F13A1: variants seen among roughly 807,000 people sequenced by gnomAD.
F13A1 encodes FSF, A subunit.
F13A1 carries 47 observed loss-of-function variants against 80.1 expected under a neutral mutation model. The ratio of observed to expected loss-of-function variants is 0.59; its 90% CI spans 0.46 to 0.75. The LOEUF (loss-of-function observed/expected upper bound fraction) is 0.75, where lower values mean the gene tolerates loss of function less well. Among genes scored for constraint, F13A1 ranks in the 30% least tolerant of loss-of-function variants. The pLI is 0.00. For missense variants in F13A1, 817 were observed against 930.4 expected, an observed-to-expected ratio of 0.88 and a Z score of 1.59; for synonymous variants, 349 against 344.9, an observed-to-expected ratio of 1.01 and a Z score of -0.13.
intron 2 of F13A1, among the ~76,000 whole-genome samples, chr6:6,315,421 G>A (rs527279327): frequency 2.9e-5 from 4 of 135,818 alleles, no homozygotes; most frequent in East Asian, 4.5e-4. Flanking sequence ...TGGGATTTCC[G>A]TGCCTACCTC....
chr6:6,320,432 T>C (rs1386350054), intron 1 of F13A1, among the ~76,000 whole-genome samples, 155 bp downstream of exon 1: 1 of 151,732 alleles, frequency 6.6e-6, no homozygotes, highest in African/African-American at 2.4e-5. Flanking sequence ...AGGTGCGGAG[T>C]TGGGGGCGGG....
intron 13 of F13A1, among the ~76,000 whole-genome samples, chr6:6,153,192 C>T (rs1291247783): frequency 4.6e-5 from 7 of 152,136 alleles, no homozygotes; most frequent in Admixed American, 4.6e-4. Context: ...GACAACACAG[C>T]CATTACTATT....
intron 6 of F13A1, among the ~76,000 whole-genome samples, chr6:6,238,912 T>C (rs1351060222): frequency 1.3e-5 from 2 of 152,158 alleles, no homozygotes; most frequent in Non-Finnish European, 2.9e-5. Context: ...CTGGCAGGAA[T>C]GTAAAACAGT....
chr6:6,248,735 A>G (rs1375254802), intron 5 of F13A1, among the ~76,000 whole-genome samples: 2 of 152,234 alleles, frequency 1.3e-5, no homozygotes, highest in Non-Finnish European at 2.9e-5. Flanking sequence ...GGTCTTTTCA[A>G]CATATTGGCT....
intron 11 of F13A1, among the ~76,000 whole-genome samples, chr6:6,177,113 G>A (rs1232475489): frequency 6.6e-6 from 1 of 152,142 alleles, no homozygotes; most frequent in East Asian, 1.9e-4. Flanking sequence ...AGGGCCACAG[G>A]CAACATTTTA....
In F13A1 at chr6:6,278,818, T is replaced by C. The variant is rs574306599; in HGVS notation, c.320-12009A>G. On this transcript the variant is annotated intron_variant, in intron 3 of 14. Coordinates refer to ENST00000264870, the MANE Select transcript of F13A1 (RefSeq NM_000129.4). ...GATCAAGCAGGGCTTTGTAGGACTT[T>C]GGATCTTATTCTGATTGAGAAAAGC... Among the ~76,000 whole-genome samples the C allele has an allele frequency of 9.8e-5, 15 of 152,338 alleles. No homozygotes were observed. In the South Asian group the frequency reaches 3.1e-3, roughly 32 times the overall value.
chr6:6,184,104 T>G (rs1222449203), intron 10 of F13A1, among the ~76,000 whole-genome samples: 3 of 152,240 alleles, frequency 2.0e-5, no homozygotes, highest in Non-Finnish European at 4.4e-5. Context: ...AGCCAACATT[T>G]GTTGCATACC....
At chr6:6,257,708 G>A (rs1421783557) in intron 4 of F13A1, among the ~76,000 whole-genome samples, 6 of 152,278 alleles carry the variant, frequency 3.9e-5, no homozygotes, top group South Asian at 2.1e-4. Flanking sequence ...ACAATCATCC[G>A]TGCGTGCATA....
chr6:6,247,984 G>A (rs1045438751), intron 6 of F13A1, among the ~76,000 whole-genome samples: 1 of 152,218 alleles, frequency 6.6e-6, no homozygotes, highest in African/African-American at 2.4e-5. Context: ...TCAACTGTTT[G>A]ATTATAGTCA....
At chr6:6,316,654 A>G (rs940392401) in intron 2 of F13A1, among the ~76,000 whole-genome samples, 2 of 152,152 alleles carry the variant, frequency 1.3e-5, no homozygotes, top group Admixed American at 6.5e-5. Context: ...CATATTCCTC[A>G]TAGGAACAAG....
At chr6:6,249,678 TG>T (rs1757603745) in intron 5 of F13A1, among the ~76,000 whole-genome samples, 1 of 152,146 alleles carries the variant, frequency 6.6e-6, no homozygotes, top group South Asian at 2.1e-4. Flanking sequence ...TTGTCATATT[TG>T]GGCCATAAAT....
At chr6:6,313,279 C>A (rs1001327561) in intron 2 of F13A1, among the ~76,000 whole-genome samples, 12 of 100,350 alleles carry the variant, frequency 1.2e-4, no homozygotes, top group African/African-American at 4.9e-4. Flanking sequence ...TGCTAAGCCG[C>A]CTTTTTTTTT....
intron 10 of F13A1, among the ~76,000 whole-genome samples, chr6:6,185,773 T>A (rs1483604146): frequency 6.6e-6 from 1 of 152,226 alleles, no homozygotes; most frequent in African/African-American, 2.4e-5. Context: ...TATTTCCAGT[T>A]CTAGATCCCT....
At chr6:6,167,351 A>C in intron 13 of F13A1, 107 bp downstream of exon 13, 1 of 1,070,826 alleles carries the variant, frequency 9.3e-7, no homozygotes, top group Non-Finnish European at 1.4e-6. Context: ...TTTTTTGAGC[A>C]GGACATTCAT....
chr6:6,181,335 C>G (rs1760982366), intron 11 of F13A1, among the ~76,000 whole-genome samples: 1 of 152,188 alleles, frequency 6.6e-6, no homozygotes, highest in Non-Finnish European at 1.5e-5. Flanking sequence ...GCTGGAATCG[C>G]CAGCACCAAA....
intron 13 of F13A1, among the ~76,000 whole-genome samples, chr6:6,153,150 T>C (rs766115942): frequency 3.3e-5 from 5 of 152,218 alleles, no homozygotes; most frequent in Non-Finnish European, 7.3e-5. Flanking sequence ...GGCTCAAAAA[T>C]GGAATTTACT....
chr6:6,155,134 C>A (rs150335549), intron 13 of F13A1, among the ~76,000 whole-genome samples: 48 of 152,186 alleles, frequency 3.2e-4, no homozygotes, highest in African/African-American at 1.1e-3. Flanking sequence ...GCCCATGAAC[C>A]CTAGATTAAG....
At chr6:6,221,317 G>C (rs1247542230) in intron 8 of F13A1, among the ~76,000 whole-genome samples, 1 of 152,106 alleles carries the variant, frequency 6.6e-6, no homozygotes, top group African/African-American at 2.4e-5. Context: ...AGCTGTTCAG[G>C]GCAGTGAGAG....
chr6:6,211,919 AC>A (rs1206343124), intron 8 of F13A1, among the ~76,000 whole-genome samples: 32 of 152,382 alleles, frequency 2.1e-4, no homozygotes, highest in Non-Finnish European at 3.2e-4. Context: ...GGGGTGACAG[AC>A]AGCACCTGGA....
Sources: allele counts gnomAD v4.1 joint callset (sites outside exome capture counted in the v4.1 genomes callset), GRCh38; gene constraint gnomAD v4.1.1; transcripts MANE v1.5; gene names NCBI Gene and HGNC (gene_info 2026-07-23, HGNC 2026-07-21).